Variants in FBN2 observed in about 807,000 individuals in gnomAD.
FBN2 encodes the protein fibrillin 2, also known as fibrillin-2.
FBN2 carries 105 observed loss-of-function variants against 355.6 expected under a neutral mutation model. The observed-to-expected ratio is 0.30, with a 90% CI of 0.25 to 0.35. The LOEUF (loss-of-function observed/expected upper bound fraction) is 0.35, where lower values mean the gene tolerates loss of function less well. Ranked by LOEUF, FBN2 falls within the 10% of genes least tolerant of loss-of-function variation. FBN2 has a pLI of 1.00. For synonymous variants in FBN2, 1,350 were observed against 1,301.2 expected (o/e 1.04, Z -0.81); for missense variants, 3,280 against 3,758.7 (o/e 0.87, Z 3.33).
chr5:128,286,248 A>G (rs1198645546), intron 55 of FBN2, among the ~76,000 whole-genome samples: 2 of 152,236 alleles, frequency 1.3e-5, no homozygotes, highest in Admixed American at 6.5e-5. Context: ...TGTTGTATAT[A>G]TAATTTTTTA....
At chr5:128,464,419 G>A (rs1445871113) in intron 6 of FBN2, among the ~76,000 whole-genome samples, 1 of 152,116 alleles carries the variant, frequency 6.6e-6, no homozygotes, top group Admixed American at 6.6e-5. Context: ...AGTTAAGGGA[G>A]GAGTCATGCC....
Position 128,286,861 on chromosome 5 carries a change from A to G in FBN2, c.6881-12T>C. The G allele has an allele frequency of 6.2e-7, 1 of 1,613,568 alleles. No individual in the cohort carries two copies. The highest frequency in any genetic ancestry group is 1.1e-5 in the South Asian group (1 of 91,030). On this transcript the variant is annotated splice_polypyrimidine_tract_variant and intron_variant, in intron 54 of 64. Transcript: ENST00000262464. The stretch of plus-strand genomic sequence containing the variant: ...ACATTCATCCAGATCTAGAACAAAA[A>G]ATAAAAATTAAAAATTATCTGGAGC...
At chr5:128,362,590 G>T (rs1226665258) in intron 18 of FBN2, among the ~76,000 whole-genome samples, 1 of 152,164 alleles carries the variant, frequency 6.6e-6, no homozygotes, top group Non-Finnish European at 1.5e-5. Context: ...CCTTCCAAAA[G>T]TAGCTAAGAA....
chr5:128,534,988 G>A (rs1756809369), intron 2 of FBN2, among the ~76,000 whole-genome samples: 1 of 152,150 alleles, frequency 6.6e-6, no homozygotes, highest in African/African-American at 2.4e-5. Flanking sequence ...CTAAAAAACC[G>A]TGTAAGTTTA....
chr5:128,461,277 T>C (rs902150089), intron 6 of FBN2, among the ~76,000 whole-genome samples: 4 of 152,114 alleles, frequency 2.6e-5, no homozygotes, highest in African/African-American at 9.7e-5. Context: ...GATCATCAGA[T>C]AAATGCAAAT....
intron 41 of FBN2, 81 bp from the exon 42 acceptor site, chr5:128,307,284 AAATAT>A (rs1184607481): frequency 1.2e-6 from 1 of 855,778 alleles, no homozygotes; most frequent in African/African-American, 1.7e-5. Context: ...TTTCACAAAC[AAATAT>A]ATTTTACATT....
intron 2 of FBN2, 52 bp downstream of exon 2, chr5:128,536,350 G>T (rs988423334): frequency 7.0e-7 from 1 of 1,433,262 alleles, no homozygotes; most frequent in African/African-American, 1.4e-5. Flanking sequence ...AGGTCGGCCG[G>T]AGATAGGGCC....
chr5:128,534,314 C>T (rs116545567), intron 2 of FBN2, among the ~76,000 whole-genome samples: 3,899 of 152,180 alleles, frequency 0.026, 172 homozygotes, highest in African/African-American at 0.09. Context: ...GAGTTTATAA[C>T]GGTTTCATTT....
chr5:128,521,546 A>G (rs2112790865), intron 4 of FBN2, among the ~76,000 whole-genome samples: 1 of 152,368 alleles, frequency 6.6e-6, no homozygotes, highest in South Asian at 2.1e-4. Flanking sequence ...TTTAAAAAAG[A>G]AAGATTTAAA....
At chr5:128,497,497 C>T (rs1044241300) in intron 5 of FBN2, among the ~76,000 whole-genome samples, 16 of 152,148 alleles carry the variant, frequency 1.1e-4, no homozygotes, top group African/African-American at 3.9e-4. Flanking sequence ...TTGTTGTCAT[C>T]GTAACACTCA....
At chr5:128,337,385 C>T (rs556290522) in intron 27 of FBN2, among the ~76,000 whole-genome samples, 1 of 152,316 alleles carries the variant, frequency 6.6e-6, no homozygotes, top group African/African-American at 2.4e-5. Flanking sequence ...GAAGAACATG[C>T]TTTCTGGCTA....
intron 5 of FBN2, among the ~76,000 whole-genome samples, chr5:128,492,046 T>C (rs929775158): frequency 1.3e-5 from 2 of 152,196 alleles, no homozygotes; most frequent in Non-Finnish European, 2.9e-5. Context: ...CATACCTAAA[T>C]GAGGGTTAAG....
Position 128,300,826 on chromosome 5 carries a change from T to G in FBN2, c.6157A>C (p.Asn2053His). ...TAAATGTTACTCTTACCAATGCAGT[T>G]CTCGCTTTTTACTTCATACCCTGGG... ...CPPGYEVKSE[N>H]CIDINECDED... Residue 2053 changes from asparagine (N) to histidine (H), a missense_variant, in exon 48 of 65, where the codon AAC (asparagine) becomes CAC (histidine). Transcript: ENST00000262464. 1 of 1,614,016 alleles carries G rather than the reference T, an allele frequency of 6.2e-7. No homozygotes were observed. Among genetic ancestry groups the G allele is most frequent in the African/African-American group, 1.3e-5 (1 of 75,064 alleles).
At chr5:128,401,193 A>G in intron 8 of FBN2, among the ~76,000 whole-genome samples, 1 of 152,328 alleles carries the variant, frequency 6.6e-6, no homozygotes, top group Non-Finnish European at 1.5e-5. Flanking sequence ...AGTACTTATC[A>G]GGAATCCATT....
rs1183323954 is a variant in FBN2, at chr5:128,361,743, G to A, written c.2534C>T (p.Thr845Ile). ...CTCPPGYVFRTETETCEDINE... is the reference protein window; with the variant it reads ...CTCPPGYVFRIETETCEDINE... Reference sequence around the variant, plus strand: ...CTTACCTTCACAGGTCTCTGTCTCAGTCCTGAACACATACCCTGGTGGGCA... The same window carrying A: ...CTTACCTTCACAGGTCTCTGTCTCAATCCTGAACACATACCCTGGTGGGCA... The change falls in exon 19 of 65, where the codon ACT (threonine) becomes ATT (isoleucine). Residue 845 changes from threonine (T) to isoleucine (I), a missense_variant. This residue lies in a region of FBN2 where 2,284 missense variants were observed against 2,749.5 expected (regional missense o/e 0.83). Coordinates refer to ENST00000262464, the MANE Select transcript of FBN2 (RefSeq NM_001999.4). The A allele has an allele frequency of 6.2e-7, 1 of 1,614,146 alleles. No individual in the cohort carries two copies. Among genetic ancestry groups the A allele is most frequent in the South Asian group, 1.1e-5 (1 of 91,080 alleles).
chr5:128,317,629 A>G (rs1479010029), intron 36 of FBN2, among the ~76,000 whole-genome samples: 2 of 152,072 alleles, frequency 1.3e-5, no homozygotes, highest in Non-Finnish European at 2.9e-5. Flanking sequence ...AAGCTGGACA[A>G]TTGTTTTTTT....
chr5:128,280,191 C>A lies in FBN2; in HGVS notation c.7138+1G>T. 6.2e-7 allele frequency: 1 copy of A among 1,611,472 alleles called. No individual in the cohort carries two copies. Among genetic ancestry groups the A allele is most frequent in the South Asian group, 1.1e-5 (1 of 91,040 alleles). On this transcript the variant is annotated splice_donor_variant, in intron 56 of 64. Coordinates refer to ENST00000262464, the MANE Select transcript of FBN2 (RefSeq NM_001999.4). LOFTEE classifies it high-confidence loss of function. ...TATAATATATTTGGATGTCAACTTA[C>A]CAAGGCATTCAGTGCCTGAAGAACT...
At chr5:128,500,430 CTTTTTTTTTTTTTTTTTTT>C (rs149068555) in intron 5 of FBN2, among the ~76,000 whole-genome samples, 7 of 51,192 alleles carry the variant, frequency 1.4e-4, no homozygotes, top group African/African-American at 5.2e-4. Flanking sequence ...TCTGACAATT[CTTTTTTTTTTTTTTTTTTT>C]TTTTTTTTTT....
At position 128,378,014 on chromosome 5, in the gene FBN2, T is replaced by TG. The variant is rs1250050102; in HGVS notation, c.1724-138_1724-137insC. ...AAATTTCTGTCTCTCAGCAGTTTTT[T>TG]TTTTTTTTTTTGGATAGGTAGGTGC... On this transcript the variant is annotated intron_variant, in intron 12 of 64. Transcript: ENST00000262464. 8.6e-5 allele frequency: 77 copies of TG among 894,624 alleles called. 2 individuals are homozygous for TG. Among genetic ancestry groups the TG allele is most frequent in the Non-Finnish European group, 1.1e-4 (67 of 587,772 alleles). The allele number at this position is 894,624 out of a possible 1,614,324, so 55.4% of individuals were successfully genotyped here.
Sources: allele counts gnomAD v4.1 joint callset (sites outside exome capture counted in the v4.1 genomes callset), GRCh38; gene constraint gnomAD v4.1.1; regional missense constraint gnomAD v4.1.1; transcripts MANE v1.5; gene names NCBI Gene and HGNC (gene_info 2026-07-23, HGNC 2026-07-21).